Variants in CLSTN2 observed in about 807,000 individuals in gnomAD.
CLSTN2 encodes calsyntenin-2.
CLSTN2 carries 48 observed loss-of-function variants against 101.2 expected under a neutral mutation model. That is an observed-to-expected ratio of 0.47 (90% CI 0.38 to 0.60). The LOEUF is 0.60. CLSTN2 is among the 20% of genes least tolerant of loss of function. The pLI is 0.00. For missense variants in CLSTN2, 1,160 were observed against 1,238.2 expected (o/e 0.94, Z 0.95); for synonymous variants, 481 against 463.6 (o/e 1.04, Z -0.48).
At chr3:140,021,832 C>T (rs1049153940) in intron 1 of CLSTN2, among the ~76,000 whole-genome samples, 1 of 152,206 alleles carries the variant, frequency 6.6e-6, no homozygotes, top group African/African-American at 2.4e-5. Flanking sequence ...ATTGTTAATA[C>T]ATTGGTTCAC....
intron 1 of CLSTN2, among the ~76,000 whole-genome samples, chr3:140,095,304 G>A (rs1239663428): frequency 6.6e-6 from 1 of 152,210 alleles, no homozygotes; most frequent in African/African-American, 2.4e-5. Flanking sequence ...CTGTCGTGGG[G>A]AGGACAGTTT....
At chr3:139,957,904 A>C (rs1272691357) in intron 1 of CLSTN2, among the ~76,000 whole-genome samples, 1 of 152,208 alleles carries the variant, frequency 6.6e-6, no homozygotes, top group African/African-American at 2.4e-5. Flanking sequence ...ACAGTCTCAG[A>C]ATCGCCGGGC....
chr3:140,461,509 G>GAGGA (rs1173276736), intron 7 of CLSTN2: 1 of 152,220 alleles, frequency 6.6e-6, no homozygotes, highest in Non-Finnish European at 1.5e-5. Flanking sequence ...GCTTACAAAG[G>GAGGA]AGGAAATTGG....
intron 8 of CLSTN2, among the ~76,000 whole-genome samples, chr3:140,501,264 G>T (rs1934571682): frequency 6.6e-6 from 1 of 152,190 alleles, no homozygotes. Flanking sequence ...AAAAGATTCA[G>T]TTCAGATGTT....
intron 9 of CLSTN2, among the ~76,000 whole-genome samples, chr3:140,538,531 G>T (rs901699826): frequency 6.6e-6 from 1 of 152,204 alleles, no homozygotes; most frequent in Non-Finnish European, 1.5e-5. Context: ...CGATTTGTGG[G>T]TATAGGGAAA....
intron 2 of CLSTN2, among the ~76,000 whole-genome samples, chr3:140,272,436 C>T (rs187856484): frequency 2.6e-4 from 39 of 149,532 alleles, no homozygotes; most frequent in Non-Finnish European, 4.8e-4. Context: ...ATACAATAGC[C>T]AATCAGTAAG....
At chr3:140,074,316 A>C (rs2008449771) in intron 1 of CLSTN2, among the ~76,000 whole-genome samples, 1 of 152,090 alleles carries the variant, frequency 6.6e-6, no homozygotes, top group South Asian at 2.1e-4. Flanking sequence ...CAGTGGATGG[A>C]CAGAGGGCCC....
In CLSTN2 at chr3:140,289,829, A is replaced by G. The variant is rs970083847; in HGVS notation, c.232+113756A>G. ...ATAATCTCAGAGATATGTTTCCTAA[A>G]TATCAGACAAGGTTTAAAAACCCAA... On this transcript the variant is annotated intron_variant, in intron 2 of 16. Coordinates refer to ENST00000458420, the MANE Select transcript of CLSTN2 (RefSeq NM_022131.3). 9.2e-5 allele frequency among the ~76,000 whole-genome samples: 14 copies of G among 152,036 alleles called. 1 individual carries two copies. The highest frequency in any genetic ancestry group is 3.1e-4 in the African/African-American group (13 of 41,380).
chr3:139,973,806 A>T (rs7626346), intron 1 of CLSTN2, among the ~76,000 whole-genome samples: 20,486 of 151,956 alleles, frequency 0.13, 1,491 homozygotes, highest in African/African-American at 0.17. Flanking sequence ...GCCCAGCTAA[A>T]TTTTTAATAT....
Position 140,154,890 on chromosome 3 carries a change from C to T in CLSTN2, c.110-21061C>T, listed in dbSNP as rs184735132. Among the ~76,000 whole-genome samples, 369 of 152,078 alleles carry T rather than the reference C, an allele frequency of 2.4e-3. 3 individuals carry two copies. Among genetic ancestry groups the T allele is most frequent in the Non-Finnish European group, 4.1e-3 (280 of 67,960 alleles). On this transcript the variant is annotated intron_variant, in intron 1 of 16. Transcript: ENST00000458420. ...CAATCTCCTGACCTCGTGATCCGCC[C>T]GCCTCAGCCTGGGAAGTACCACACT...
rs913392808 is a variant in CLSTN2 at position 140,391,274 on chromosome 3, A to G, written c.233-12355A>G. The stretch of plus-strand genomic sequence containing the variant: ...TCAGGGCAAAGGATCAAAACAAAAA[A>G]CTCATCCATCCCTAGTAGCTTCCTC... On this transcript the variant is annotated intron_variant, in intron 2 of 16. Coordinates refer to ENST00000458420, the MANE Select transcript of CLSTN2 (RefSeq NM_022131.3). 7.4e-5 allele frequency among the ~76,000 whole-genome samples: 11 copies of G among 148,704 alleles called. No homozygotes were observed. The East Asian group carries it at 2.2e-3, about 30-fold the overall frequency.
intron 1 of CLSTN2, among the ~76,000 whole-genome samples, chr3:140,100,357 G>A (rs1371722562): frequency 3.3e-5 from 5 of 152,070 alleles, no homozygotes. Flanking sequence ...CCCCTTGGCT[G>A]TGGACTGTAT....
At chr3:140,079,249 T>A (rs1412408786) in intron 1 of CLSTN2, among the ~76,000 whole-genome samples, 1 of 152,174 alleles carries the variant, frequency 6.6e-6, no homozygotes, top group Non-Finnish European at 1.5e-5. Flanking sequence ...CCCAATTCAA[T>A]GAACTCTTGA....
chr3:140,074,160 C>A (rs1317467), intron 1 of CLSTN2, among the ~76,000 whole-genome samples: 7,325 of 152,168 alleles, frequency 0.048, 572 homozygotes, highest in African/African-American at 0.16. Flanking sequence ...TGCCATTTGA[C>A]CTTTGATTTT....
At chr3:140,402,577 C>A (rs2088254585) in intron 2 of CLSTN2, among the ~76,000 whole-genome samples, 1 of 152,114 alleles carries the variant, frequency 6.6e-6, no homozygotes, top group Admixed American at 6.5e-5. Flanking sequence ...TTGGGCAGGA[C>A]CTGGACTAGG....
At chr3:140,190,592 T>A (rs900265152) in intron 2 of CLSTN2, among the ~76,000 whole-genome samples, 10 of 152,104 alleles carry the variant, frequency 6.6e-5, no homozygotes, top group African/African-American at 2.4e-4. Context: ...ATTTCTTTTC[T>A]TTCATTAGTG....
intron 2 of CLSTN2, among the ~76,000 whole-genome samples, chr3:140,220,509 C>A (rs1171622847): frequency 6.6e-6 from 1 of 152,200 alleles, no homozygotes; most frequent in African/African-American, 2.4e-5. Flanking sequence ...AACCAGGCAT[C>A]CTTGCCTGGG....
At chr3:140,539,609 C>T (rs1559898637) in intron 9 of CLSTN2, among the ~76,000 whole-genome samples, 1 of 152,288 alleles carries the variant, frequency 6.6e-6, no homozygotes, top group Middle Eastern at 3.4e-3. Context: ...CCTGATGCAT[C>T]CCATCCTGGG....
chr3:140,435,078 T>C (rs2088673005), intron 5 of CLSTN2, among the ~76,000 whole-genome samples: 1 of 152,194 alleles, frequency 6.6e-6, no homozygotes, highest in South Asian at 2.1e-4. Context: ...AATCAAATTG[T>C]ATTCTTTAAG....
Sources: allele counts gnomAD v4.1 joint callset (sites outside exome capture counted in the v4.1 genomes callset), GRCh38; gene constraint gnomAD v4.1.1; transcripts MANE v1.5; gene names NCBI Gene and HGNC (gene_info 2026-07-23, HGNC 2026-07-21).